DOP1B: variants seen among roughly 807,000 people sequenced by gnomAD.
DOP1B encodes protein DOP1B.
Under a neutral mutation model 233.5 loss-of-function variants are expected in DOP1B, and 174 were observed. The observed-to-expected ratio is 0.75, with a 90% CI of 0.66 to 0.85. The LOEUF is 0.85. DOP1B is among the 40% of genes least tolerant of loss of function. DOP1B has a pLI of 0.00. For missense variants in DOP1B, 2,652 were observed against 2,846.6 expected, an observed-to-expected ratio of 0.93 and a Z score of 1.56; for synonymous variants, 1,190 against 1,185.6, an observed-to-expected ratio of 1.00 and a Z score of -0.08.
intron 2 of DOP1B, among the ~76,000 whole-genome samples, chr21:36,180,297 G>A (rs567458268): frequency 4.6e-5 from 7 of 152,288 alleles, no homozygotes; most frequent in Admixed American, 3.9e-4. Flanking sequence ...TGCTGGCCGC[G>A]GTGGCTCATG....
At chr21:36,207,432 G>A (rs1009131075) in intron 4 of DOP1B, among the ~76,000 whole-genome samples, 7 of 150,846 alleles carry the variant, frequency 4.6e-5, no homozygotes, top group African/African-American at 7.3e-5. Context: ...TGATCCACCC[G>A]CCTCAGCCTC....
intron 4 of DOP1B, among the ~76,000 whole-genome samples, chr21:36,207,490 GTTTTTTTTGTT>G (rs2066441411): frequency 8.3e-6 from 1 of 120,958 alleles, no homozygotes; most frequent in Non-Finnish European, 1.6e-5. Flanking sequence ...CAGCCAAACA[GTTTTTTTTGTT>G]TTTTTTTTTT....
Position 36,201,007 on chromosome 21 carries a change from T to G in DOP1B, c.491+506T>G, listed in dbSNP as rs149677911. 1.3e-4 allele frequency among the ~76,000 whole-genome samples: 19 copies of G among 151,972 alleles called. No individual in the cohort carries two copies. The East Asian group carries it at 1.7e-3, about 14-fold the overall frequency. On this transcript the variant is annotated intron_variant, in intron 4 of 36. Coordinates refer to ENST00000691173, the MANE Select transcript of DOP1B (RefSeq NM_001320714.2). The stretch of plus-strand genomic sequence containing the variant: ...AGGGGAAGTCCCGAGCCCGGAGAGA[T>G]GAGATCCTTTAGGCGGAGAGAAATG...
chr21:36,184,498 T>TG (rs2066140356), intron 2 of DOP1B, among the ~76,000 whole-genome samples: 1 of 152,202 alleles, frequency 6.6e-6, no homozygotes, highest in Non-Finnish European at 1.5e-5. Context: ...TATACACTGT[T>TG]GCGGCCCCTT....
intron 20 of DOP1B, 143 bp from the exon 21 acceptor site, chr21:36,248,237 T>C: frequency 1.3e-6 from 1 of 748,942 alleles, no homozygotes; most frequent in Non-Finnish European, 2.2e-6. Flanking sequence ...GAGAAGCTTA[T>C]TGCTCCCAGA....
chr21:36,227,672 C>A lies in DOP1B; in HGVS notation c.1474-14C>A, dbSNP rs138054732. ...ACCAACATTGTGGGGTTAACCTACA[C>A]GTTTATTTCACAGGAACTTTACTCT... is the stretch of plus-strand genomic sequence containing the variant. On this transcript the variant is annotated splice_polypyrimidine_tract_variant and intron_variant, in intron 12 of 36. Coordinates refer to ENST00000691173, the MANE Select transcript of DOP1B (RefSeq NM_001320714.2). The A allele has an allele frequency of 2.7e-6, 4 of 1,505,850 alleles. No homozygotes were observed. Among genetic ancestry groups the A allele is most frequent in the East Asian group, 2.3e-5 (1 of 42,910 alleles). 93.3% of individuals were successfully genotyped at this position (1,505,850 alleles called of 1,614,324 possible). A position where few individuals can be genotyped will look rare whatever the true frequency, so the allele number is the denominator to read the frequency against.
intron 27 of DOP1B, among the ~76,000 whole-genome samples, chr21:36,273,253 A>G (rs1476213423): frequency 2.0e-5 from 3 of 151,084 alleles, no homozygotes; most frequent in Admixed American, 1.3e-4. Flanking sequence ...CTAAAAATAC[A>G]AAAATTAGCC....
At chr21:36,271,231 A>T (rs1269949408) in intron 27 of DOP1B, among the ~76,000 whole-genome samples, 2 of 145,746 alleles carry the variant, frequency 1.4e-5, no homozygotes, top group Non-Finnish European at 3.0e-5. Context: ...TTTTTTTGAG[A>T]CAGAGTCTCG....
chr21:36,161,116 G>A (rs2065865160), intron 1 of DOP1B, among the ~76,000 whole-genome samples: 1 of 143,568 alleles, frequency 7.0e-6, no homozygotes, highest in African/African-American at 2.7e-5. Context: ...AGATGGAATT[G>A]AGAGTTTACT....
intron 27 of DOP1B, among the ~76,000 whole-genome samples, chr21:36,275,201 C>T (rs117127378): frequency 6.6e-6 from 1 of 152,104 alleles, no homozygotes; most frequent in African/African-American, 2.4e-5. Context: ...CAGAACAGTA[C>T]AGCAGAGAGG....
At chr21:36,271,908 G>C (rs1255176756) in intron 27 of DOP1B, among the ~76,000 whole-genome samples, 1 of 151,754 alleles carries the variant, frequency 6.6e-6, no homozygotes, top group Non-Finnish European at 1.5e-5. Context: ...TGAGGTGGGC[G>C]GGTCGCCTGA....
chr21:36,234,554 T>C (rs1274793693), intron 15 of DOP1B, among the ~76,000 whole-genome samples: 1 of 149,798 alleles, frequency 6.7e-6, no homozygotes, highest in Admixed American at 6.7e-5. Flanking sequence ...ATACTTTTCT[T>C]TTTTTTTTTT....
At chr21:36,280,896 G>T (rs1032160115) in intron 31 of DOP1B, among the ~76,000 whole-genome samples, 1 of 152,170 alleles carries the variant, frequency 6.6e-6, no homozygotes, top group Non-Finnish European at 1.5e-5. Flanking sequence ...CAGCTACTCG[G>T]GAGGCTGAGG....
intron 2 of DOP1B, among the ~76,000 whole-genome samples, chr21:36,192,318 C>T (rs1475888435): frequency 6.6e-6 from 1 of 151,002 alleles, no homozygotes; most frequent in Non-Finnish European, 1.5e-5. Flanking sequence ...AAGATCACAC[C>T]ACTGCACTCC....
At chr21:36,206,670 T>A (rs974508185) in intron 4 of DOP1B, among the ~76,000 whole-genome samples, 1 of 152,198 alleles carries the variant, frequency 6.6e-6, no homozygotes, top group African/African-American at 2.4e-5. Context: ...TGGCCAGTGT[T>A]CCATGGAACA....
chr21:36,261,105 C>G, intron 24 of DOP1B: 1 of 1,003,522 alleles, frequency 1.0e-6, no homozygotes, highest in South Asian at 4.2e-5. Flanking sequence ...TGGCTCACAC[C>G]TGCAATCCCA....
At chr21:36,277,475 G>A (rs1190867550) in intron 28 of DOP1B, among the ~76,000 whole-genome samples, 1 of 151,862 alleles carries the variant, frequency 6.6e-6, no homozygotes, top group East Asian at 1.9e-4. Flanking sequence ...TAGAGACGGG[G>A]TTTCACTGTG....
chr21:36,229,238 A>G (rs1391623139), intron 13 of DOP1B, among the ~76,000 whole-genome samples: 2 of 152,112 alleles, frequency 1.3e-5, no homozygotes, highest in Non-Finnish European at 1.5e-5. Context: ...TCCACAACAG[A>G]CACTTGTTTT....
intron 27 of DOP1B, among the ~76,000 whole-genome samples, chr21:36,274,623 C>T (rs1284137855): frequency 2.6e-5 from 4 of 151,806 alleles, no homozygotes; most frequent in African/African-American, 7.3e-5. Flanking sequence ...GGTGGAGGGC[C>T]GCTGAGAAGC....
Sources: gnomAD v4.1 joint callset for allele counts (sites outside exome capture counted in the v4.1 genomes callset) on GRCh38, gnomAD v4.1.1 for gene constraint, MANE v1.5 for transcripts, NCBI Gene and HGNC (gene_info 2026-07-23, HGNC 2026-07-21) for gene names.